Variants in ALG9 observed in about 807,000 individuals in gnomAD.
ALG9 encodes alpha-1,2-mannosyltransferase ALG9.
A neutral mutation model predicts 81.8 loss-of-function variants in ALG9; 55 were observed. The ratio of observed to expected loss-of-function variants is 0.67; its 90% confidence interval spans 0.54 to 0.84. ALG9 has a LOEUF of 0.84. ALG9 is among the 40% of genes least tolerant of loss of function. The probability of loss-of-function intolerance (pLI) is 0.00; values close to 1 mark genes in which losing one functional copy is unlikely to be tolerated. For missense variants in ALG9, 629 were observed against 745.0 expected, an observed-to-expected ratio of 0.84 and a Z score of 1.81; for synonymous variants, 278 against 274.3, an observed-to-expected ratio of 1.01 and a Z score of -0.13.
At chr11:111,769,608 C>T in the ALG9 span, among the ~76,000 whole-genome samples, 1 of 142,702 alleles carries the variant, frequency 7.0e-6, no homozygotes, top group African/African-American at 2.5e-5. Context: ...CAGAGTGAGA[C>T]CCTGTCTCAA....
At chr11:111,871,121 G>T in intron 1 of ALG9, 1 of 1,253,116 alleles carries the variant, frequency 8.0e-7, no homozygotes, top group Non-Finnish European at 1.0e-6. Context: ...GAGCATCACA[G>T]ATCCGCACTC....
intron 6 of ALG9, among the ~76,000 whole-genome samples, chr11:111,856,049 C>G (rs782129553): frequency 6.6e-6 from 1 of 152,004 alleles, no homozygotes; most frequent in East Asian, 1.9e-4. Context: ...GAGGCCGAGA[C>G]AGGTGGATCA....
chr11:111,824,844 C>T (rs1211362976), intron 13 of ALG9, among the ~76,000 whole-genome samples: 1 of 152,194 alleles, frequency 6.6e-6, no homozygotes, highest in Non-Finnish European at 1.5e-5. Flanking sequence ...TATTAAGTTG[C>T]ATGAGGAAGG....
chr11:111,847,691 C>T (rs1957134519), intron 8 of ALG9, among the ~76,000 whole-genome samples: 1 of 152,210 alleles, frequency 6.6e-6, no homozygotes, highest in Non-Finnish European at 1.5e-5. Context: ...TAAGACTTCA[C>T]AATTCTAGTC....
At chr11:111,770,022 GT>G in the ALG9 span, among the ~76,000 whole-genome samples, 1 of 152,034 alleles carries the variant, frequency 6.6e-6, no homozygotes, top group Admixed American at 6.6e-5. Flanking sequence ...ACCACCTCTT[GT>G]TCCTGCTTGA....
chr11:111,869,160 C>T (rs1963465223), intron 2 of ALG9, among the ~76,000 whole-genome samples: 1 of 152,190 alleles, frequency 6.6e-6, no homozygotes, highest in African/African-American at 2.4e-5. Context: ...AATATTAAGA[C>T]ATTATAAATT....
chr11:111,788,417 T>C (rs113882260), intron 14 of ALG9: 1 of 453,810 alleles, frequency 2.2e-6, no homozygotes, highest in South Asian at 1.6e-5. Flanking sequence ...ATAAATAAAA[T>C]GAACAGGAAG....
At chr11:111,857,782 G>C (rs782131696) in intron 5 of ALG9, 45 bp from the exon 6 acceptor site, 2 of 1,610,580 alleles carry the variant, frequency 1.2e-6, no homozygotes, top group Non-Finnish European at 8.5e-7. Flanking sequence ...ACAAGAGCTC[G>C]AGGTTAATTA....
chr11:111,848,056 G>A (rs1415596720), intron 8 of ALG9, among the ~76,000 whole-genome samples: 3 of 152,148 alleles, frequency 2.0e-5, no homozygotes, highest in Non-Finnish European at 4.4e-5. Flanking sequence ...GGGCTTTGAA[G>A]TCAGACAACA....
chr11:111,800,747 C>T (rs1405187359), intron 14 of ALG9, among the ~76,000 whole-genome samples: 2 of 152,056 alleles, frequency 1.3e-5, no homozygotes, highest in Non-Finnish European at 2.9e-5. Flanking sequence ...ATCGTAAGGT[C>T]CAAGAGGACA....
chr11:111,774,245 G>A, the ALG9 span, among the ~76,000 whole-genome samples: 209 of 151,952 alleles, frequency 1.4e-3, no homozygotes, highest in African/African-American at 4.6e-3. Flanking sequence ...GCGTGGTGGC[G>A]CATGCCTGTA....
At chr11:111,813,033 C>T (rs942503703) in intron 13 of ALG9, among the ~76,000 whole-genome samples, 7 of 49,988 alleles carry the variant, frequency 1.4e-4, no homozygotes, top group South Asian at 9.1e-4. Flanking sequence ...ACGACAGAAG[C>T]GACACCTCAA....
At chr11:111,871,203 C>A in intron 1 of ALG9, 149 bp downstream of exon 1, 4 of 1,306,214 alleles carry the variant, frequency 3.1e-6, no homozygotes, top group Non-Finnish European at 3.9e-6. Context: ...CCCAGGAAGA[C>A]CAATAGGACC....
chr11:111,858,596 A>G lies in ALG9; in HGVS notation c.566-859T>C, dbSNP rs190610034. On this transcript the variant is annotated intron_variant, in intron 5 of 14. Transcript: ENST00000616540. ...AATAGCCCCCTAATTAGTTCCATCT[A>G]CCTCAACCTTGTTTTATACAGCAGA... Among the ~76,000 whole-genome samples the G allele has an allele frequency of 7.9e-4, 120 of 152,266 alleles. 3 individuals carry two copies. In the East Asian group the frequency reaches 0.02, roughly 26 times the overall value.
intron 13 of ALG9, among the ~76,000 whole-genome samples, chr11:111,818,385 T>C (rs1375039014): frequency 6.6e-6 from 1 of 152,206 alleles, no homozygotes; most frequent in Non-Finnish European, 1.5e-5. Flanking sequence ...ATAATAATCT[T>C]GTGGGACCAC....
chr11:111,813,806 A>C lies in ALG9; in HGVS notation c.1603-4033T>G, dbSNP rs548724751. Among the ~76,000 whole-genome samples, 12 of 152,346 alleles carry C rather than the reference A, an allele frequency of 7.9e-5. No homozygotes were observed. In the South Asian group the frequency reaches 2.3e-3, roughly 29 times the overall value. ...TGAAAACCACAATAAAAAAAATTAC[A>C]GTATCAAGTGTTGGCCAGAATGTGG... is the stretch of plus-strand genomic sequence containing the variant. On this transcript the variant is annotated intron_variant, in intron 13 of 14. Coordinates refer to ENST00000616540, the MANE Select transcript of ALG9 (RefSeq NM_024740.2).
In ALG9 at chr11:111,838,445, C is replaced by T. The variant is rs782169214; in HGVS notation, c.1174-46G>A. 49 of 1,532,392 alleles carry T rather than the reference C, an allele frequency of 3.2e-5. No homozygotes were observed. The East Asian group carries it at 1.0e-3, about 32-fold the overall frequency. The allele number at this position is 1,532,392 out of a possible 1,614,324, so 94.9% of individuals were successfully genotyped here. Reference sequence around the variant, plus strand: ...TTGTAGAATATACATAATTACAAGACATCACAGTAACATCAAGAGCGAAGC... The same window carrying T: ...TTGTAGAATATACATAATTACAAGATATCACAGTAACATCAAGAGCGAAGC... On this transcript the variant is annotated intron_variant, in intron 10 of 14. Transcript: ENST00000616540.
chr11:111,834,434 T>C (rs1412874749), intron 13 of ALG9, among the ~76,000 whole-genome samples: 1 of 152,190 alleles, frequency 6.6e-6, no homozygotes, highest in African/African-American at 2.4e-5. Context: ...AATATACCAT[T>C]ATCAGATTAA....
At chr11:111,839,323 C>G (rs1420101225) in intron 10 of ALG9, among the ~76,000 whole-genome samples, 1 of 152,040 alleles carries the variant, frequency 6.6e-6, no homozygotes, top group African/African-American at 2.4e-5. Context: ...CGGTGGCTCA[C>G]GCCTGTAATC....
Sources: gnomAD v4.1 joint callset for allele counts (sites outside exome capture counted in the v4.1 genomes callset) on GRCh38, gnomAD v4.1.1 for gene constraint, MANE v1.5 for transcripts, NCBI Gene and HGNC (gene_info 2026-07-23, HGNC 2026-07-21) for gene names.